The following AHDC1 variants were observed in gnomAD, a reference collection of about 807,000 sequenced individuals.
AHDC1 encodes AT-hook DNA binding motif containing 1.
A neutral mutation model predicts 87.9 loss-of-function variants in AHDC1; 7 were observed. That is an observed-to-expected ratio of 0.08 (90% CI 0.05 to 0.15). The LOEUF (loss-of-function observed/expected upper bound fraction) is 0.15, where lower values mean the gene tolerates loss of function less well. Among genes scored for constraint, AHDC1 ranks in the 10% least tolerant of loss-of-function variants. AHDC1 has a pLI of 1.00. For missense variants in AHDC1, 1,841 were observed against 2,253.2 expected, an observed-to-expected ratio of 0.82 and a Z score of 3.70; for synonymous variants, 1,051 against 1,006.8, an observed-to-expected ratio of 1.04 and a Z score of -0.83.
intron 3 of AHDC1, among the ~76,000 whole-genome samples, chr1:27,599,365 T>TCC (rs2089468364): frequency 6.6e-6 from 1 of 151,686 alleles, no homozygotes; most frequent in Non-Finnish European, 1.5e-5. Context: ...CTCTCTCGCC[T>TCC]CCCTCCCTCT....
intron 3 of AHDC1, among the ~76,000 whole-genome samples, chr1:27,570,519 A>G (rs1244820169): frequency 6.6e-6 from 1 of 151,998 alleles, no homozygotes; most frequent in Admixed American, 6.5e-5. Flanking sequence ...CTTGATCCGT[A>G]CCCTAGATCT....
chr1:27,549,186 C>T lies in AHDC1; in HGVS notation c.2930G>A (p.Gly977Glu). 2 of 1,589,046 alleles carry T rather than the reference C, an allele frequency of 1.3e-6. No homozygotes were observed. The highest frequency in any genetic ancestry group is 1.3e-5 in the African/African-American group (1 of 74,754). ...CTTAGTTGGGGCGAATACGCTTTGT[C>T]CGGCCCCATAGCCGCCGTACTGGGG... The part of the protein sequence containing the change: ...YLPQYGGYGA[G>E]QSVFAPTKPF... The change falls in exon 8 of 9, where the codon GGA (glycine) becomes GAA (glutamate). Residue 977 changes from glycine to glutamate, a missense_variant. Physicochemically the swap from Gly to Glu is moderately conservative, Grantham distance 98 (BLOSUM62 -2). Around this residue, in one of 13 missense-constraint regions of AHDC1, gnomAD observed 378 missense variants for 399.0 expected, o/e 0.95. Transcript: ENST00000673934.
Position 27,548,580 on chromosome 1 carries a change from C to T in AHDC1, c.3536G>A (p.Gly1179Asp). The T allele has an allele frequency of 6.2e-7, 1 of 1,613,568 alleles. No homozygotes were observed. The highest frequency in any genetic ancestry group is 1.1e-5 in the South Asian group (1 of 91,084). The change falls in exon 8 of 9, where the codon GGC becomes GAC. Residue 1179 changes from glycine (G) to aspartate (D), a missense_variant. Transcript: ENST00000673934. ...GCTGTTGGCACGCCGAAACCCCCCG[C>T]CACCAACCGGCTGATTGAACTGGGT... ...DSTQFNQPVG[G>D]GGFRRANSEA...
chr1:27,547,823 C>G lies in AHDC1; in HGVS notation c.4293G>C (p.Gly1431=), dbSNP rs368747937. The part of the protein sequence containing the change: ...ACEPLKHGLQ[G]ASLGHAAAAQ... ...CTGCAGCTGCGTGGCCCAGGCTGGC[C>G]CCCTGGAGTCCATGCTTGAGGGGCT... Residue 1431 remains glycine (G), a synonymous_variant, in exon 8 of 9, where the codon GGG becomes GGC. Coordinates refer to ENST00000673934, the MANE Select transcript of AHDC1 (RefSeq NM_001371928.1). The surrounding 1 kb of genome is among the most constrained non-coding windows in gnomAD (Gnocchi z 4.9). The G allele has an allele frequency of 1.8e-5, 28 of 1,550,158 alleles. No homozygotes were observed. The African/African-American group carries it at 3.3e-4, about 18-fold the overall frequency.
intron 3 of AHDC1, among the ~76,000 whole-genome samples, chr1:27,575,873 C>A (rs2088718195): frequency 1.4e-5 from 2 of 147,666 alleles, no homozygotes; most frequent in Non-Finnish European, 3.0e-5. Context: ...AGGCCGGGCC[C>A]TCTGCTGCCC....
intron 3 of AHDC1, among the ~76,000 whole-genome samples, chr1:27,602,193 G>A (rs1380076623): frequency 6.6e-6 from 1 of 152,000 alleles, no homozygotes; most frequent in Non-Finnish European, 1.5e-5. Flanking sequence ...CAAGCTGGGA[G>A]GGAGGGGAGA....
rs2019906361 is a variant in AHDC1 at position 27,558,063 on chromosome 1, G to A, written c.-225+242C>T. Among the ~76,000 whole-genome samples the A allele has an allele frequency of 6.6e-6, 1 of 152,226 alleles. No homozygotes were observed. Among genetic ancestry groups the A allele is most frequent in the Non-Finnish European group, 1.5e-5 (1 of 68,022 alleles). The stretch of plus-strand genomic sequence containing the variant: ...CCAGGAATGCTCCTTTGGAAGTAGG[G>A]TGGGGTCCCCAGGCAGGCTCAGCTC... On this transcript the variant is annotated intron_variant, in intron 5 of 8. Transcript: ENST00000673934. This position sits in a 1 kb window ranked among gnomAD's most constrained non-coding sequence, Gnocchi z 5.6.
Position 27,548,871 on chromosome 1 carries a change from G to C in AHDC1, c.3245C>G (p.Ala1082Gly). ...KGTTASATSA[A>G]SAASSSSSSF... ...GGAGGAGGAGGAGGAGGCGGCAGAGGCTGCAGAGGTGGCAGAGGCTGTGGT... is the reference window on the plus strand; with the variant it reads ...GGAGGAGGAGGAGGAGGCGGCAGAGCCTGCAGAGGTGGCAGAGGCTGTGGT... The change falls in exon 8 of 9, where the codon GCC becomes GGC. Residue 1082 changes from alanine to glycine, a missense_variant. By Grantham distance (60) the Ala-to-Gly change is moderately conservative. Coordinates refer to ENST00000673934, the MANE Select transcript of AHDC1 (RefSeq NM_001371928.1). 1 of 1,612,354 alleles carries C rather than the reference G, an allele frequency of 6.2e-7. No homozygotes were observed. The highest frequency in any genetic ancestry group is 8.5e-7 in the Non-Finnish European group (1 of 1,179,578).
intron 3 of AHDC1, among the ~76,000 whole-genome samples, chr1:27,578,386 C>T (rs773114637): frequency 2.0e-5 from 3 of 151,916 alleles, no homozygotes; most frequent in Non-Finnish European, 4.4e-5. Flanking sequence ...GTCAGGAGTT[C>T]GAGACCAGCC....
At chr1:27,554,144 C>CTTT (rs1282444033) in intron 5 of AHDC1, among the ~76,000 whole-genome samples, 1 of 152,196 alleles carries the variant, frequency 6.6e-6, no homozygotes, top group Non-Finnish European at 1.5e-5. Flanking sequence ...TCAACCCTGC[C>CTTT]TTTTCCCTTG....
rs756655296 is a variant in AHDC1 at position 27,547,574 on chromosome 1, G to A, written c.4542C>T (p.Ala1514=). ...GGGCCATTTCCAGTGGCTCCTTGTC[G>A]GCCTTGGGCGTGGCTGGTGGGCTAG... ...HLASPPATPK[A]DKEPLEMARP... The change falls in exon 8 of 9, where the codon GCC becomes GCT. Residue 1514 remains alanine (A), a synonymous_variant. Transcript: ENST00000673934. This position sits in a 1 kb window ranked among gnomAD's most constrained non-coding sequence, Gnocchi z 4.9. The A allele has an allele frequency of 5.0e-6, 8 of 1,609,522 alleles. No homozygotes were observed. The East Asian group carries it at 1.1e-4, about 22-fold the overall frequency.
Position 27,548,971 on chromosome 1 carries a change from A to G in AHDC1, c.3145T>C (p.Ser1049Pro). ...SSSEGAPFSG[S>P]APTPLRCDSR... ...TCACAGCGCAGGGGCGTGGGGGCTG[A>G]ACCAGAGAAGGGGGCCCCCTCAGAG... is the stretch of plus-strand genomic sequence containing the variant. Residue 1049 changes from serine (S) to proline (P), a missense_variant, in exon 8 of 9, where the codon TCA (serine) becomes CCA (proline). Physicochemically the swap from Ser to Pro is moderately conservative, Grantham distance 74. This residue lies in a region of AHDC1 where 378 missense variants were observed against 399.0 expected (regional missense o/e 0.95). Transcript: ENST00000673934. 6.4e-7 allele frequency: 1 copy of G among 1,566,528 alleles called. No individual in the cohort carries two copies. The highest frequency in any genetic ancestry group is 1.7e-4 in the Middle Eastern group (1 of 5,806).
At chr1:27,586,764 C>T (rs1482327813) in intron 3 of AHDC1, among the ~76,000 whole-genome samples, 1 of 152,198 alleles carries the variant, frequency 6.6e-6, no homozygotes, top group African/African-American at 2.4e-5. Context: ...TCCTTATCCC[C>T]AGGGCACTCC....
chr1:27,580,046 C>A (rs1309940854), intron 3 of AHDC1, among the ~76,000 whole-genome samples: 1 of 152,136 alleles, frequency 6.6e-6, no homozygotes, highest in Non-Finnish European at 1.5e-5. Context: ...GGACTCCTCT[C>A]TGGGATGGAA....
intron 3 of AHDC1, among the ~76,000 whole-genome samples, chr1:27,571,399 C>G (rs1223075322): frequency 1.3e-5 from 2 of 152,110 alleles, no homozygotes; most frequent in African/African-American, 4.8e-5. Context: ...GGACAAAGAG[C>G]CTGGAGCGGA....
rs2089289963 is a variant in AHDC1, at chr1:27,593,695, T to G, written c.-629+9702A>C. On this transcript the variant is annotated intron_variant, in intron 3 of 8. Transcript: ENST00000673934. The surrounding 1 kb of genome is among the most constrained non-coding windows in gnomAD (Gnocchi z 4.9). ...GAACCTGGCTGCCCCACCTCTGCTC[T>G]GAACCCCTCCCTATCTCACCAATCC... Among the ~76,000 whole-genome samples, 1 of 152,238 alleles carries G rather than the reference T, an allele frequency of 6.6e-6. No individual in the cohort carries two copies. The highest frequency in any genetic ancestry group is 1.5e-5 in the Non-Finnish European group (1 of 68,032).
At position 27,549,026 on chromosome 1, in the gene AHDC1, C is replaced by T. The variant is rs749769638; in HGVS notation, c.3090G>A (p.Leu1030=). The stretch of plus-strand genomic sequence containing the variant: ...TGAAGAAGGAGGCCTTGCTTGGTGG[C>T]AGGCAGGGGCCCCCGGTAGGCGGTG... ...YAPPPTGGPC[L]PPSKASFFSS... Residue 1030 remains leucine (L), a synonymous_variant, in exon 8 of 9, where the codon CTG becomes CTA. Coordinates refer to ENST00000673934, the MANE Select transcript of AHDC1 (RefSeq NM_001371928.1). The T allele has an allele frequency of 4.4e-6, 7 of 1,575,272 alleles. No homozygotes were observed. In the South Asian group the frequency reaches 8.1e-5, roughly 18 times the overall value.
In AHDC1 at chr1:27,598,245, C is replaced by T. The variant is rs1467175080; in HGVS notation, c.-629+5152G>A. ...CCCCTGGGCTCCCAGGCCAAGGACC[C>T]CAGAGCAGAAGAGGAGAGAAAACAG... is the stretch of plus-strand genomic sequence containing the variant. On this transcript the variant is annotated intron_variant, in intron 3 of 8. Coordinates refer to ENST00000673934, the MANE Select transcript of AHDC1 (RefSeq NM_001371928.1). This position sits in a 1 kb window ranked among gnomAD's most constrained non-coding sequence, Gnocchi z 4.2. Among the ~76,000 whole-genome samples the T allele has an allele frequency of 6.6e-6, 1 of 152,210 alleles. No individual in the cohort carries two copies. Among genetic ancestry groups the T allele is most frequent in the Non-Finnish European group, 1.5e-5 (1 of 68,034 alleles).
Position 27,565,656 on chromosome 1 carries a change from G to A in AHDC1, c.-628-6773C>T, listed in dbSNP as rs1172929970. Among the ~76,000 whole-genome samples, 2 of 152,218 alleles carry A rather than the reference G, an allele frequency of 1.3e-5. No homozygotes were observed. The highest frequency in any genetic ancestry group is 2.9e-5 in the Non-Finnish European group (2 of 68,042). On this transcript the variant is annotated intron_variant, in intron 3 of 8. Coordinates refer to ENST00000673934, the MANE Select transcript of AHDC1 (RefSeq NM_001371928.1). The surrounding 1 kb of genome is among the most constrained non-coding windows in gnomAD (Gnocchi z 4.6). ...CAGGAACTCAAAGCACTTTAAAGAAGTCAGACATGAAGCAAGGATAGTATC... is the reference window on the plus strand; with the variant it reads ...CAGGAACTCAAAGCACTTTAAAGAAATCAGACATGAAGCAAGGATAGTATC...
Sources: allele counts gnomAD v4.1 joint callset (sites outside exome capture counted in the v4.1 genomes callset), GRCh38; gene constraint gnomAD v4.1.1; regional missense constraint gnomAD v4.1.1; non-coding constraint Gnocchi (gnomAD v3.1); transcripts MANE v1.5; gene names NCBI Gene and HGNC (gene_info 2026-07-23, HGNC 2026-07-21).